Variants in SETD2 observed in about 807,000 individuals in gnomAD.
The protein encoded by SETD2 is SET domain containing 2, histone lysine methyltransferase.
Under a neutral mutation model 242.1 loss-of-function variants are expected in SETD2, and 31 were observed. That is an observed-to-expected ratio of 0.13 (90% CI 0.10 to 0.17). SETD2 has a LOEUF of 0.17. Ranked by LOEUF, SETD2 falls within the 10% of genes least tolerant of loss-of-function variation. The pLI is 1.00. For synonymous variants in SETD2, 1,006 were observed against 1,066.5 expected (o/e 0.94, Z 1.11); for missense variants, 2,481 against 3,046.3 (o/e 0.81, Z 4.37).
At chr3:47,081,942 C>A (rs1319146085) in intron 12 of SETD2, among the ~76,000 whole-genome samples, 1 of 152,078 alleles carries the variant, frequency 6.6e-6, no homozygotes. Context: ...ATTTTAAGTA[C>A]AAATAAAGTT....
At chr3:47,041,592 C>G (rs189756953) in intron 17 of SETD2, among the ~76,000 whole-genome samples, 4 of 152,202 alleles carry the variant, frequency 2.6e-5, no homozygotes, top group Admixed American at 2.0e-4. Context: ...ACAAAAACAT[C>G]TATCTTAACA....
chr3:47,046,125 G>A (rs902271469), intron 16 of SETD2, among the ~76,000 whole-genome samples: 3 of 151,664 alleles, frequency 2.0e-5, no homozygotes, highest in African/African-American at 7.3e-5. Flanking sequence ...ATCACCTGAG[G>A]TCATGAGGTC....
chr3:47,028,306 G>A (rs897173561), intron 18 of SETD2, among the ~76,000 whole-genome samples: 2 of 152,144 alleles, frequency 1.3e-5, no homozygotes, highest in Admixed American at 1.3e-4. Context: ...AGTTCTCAGT[G>A]AGCTAAGGAG....
At chr3:47,041,156 G>A (rs955670561) in intron 17 of SETD2, among the ~76,000 whole-genome samples, 6 of 152,162 alleles carry the variant, frequency 3.9e-5, no homozygotes, top group Non-Finnish European at 7.3e-5. Flanking sequence ...CTCTGTAAAT[G>A]ATTAGATGAT....
intron 15 of SETD2, among the ~76,000 whole-genome samples, chr3:47,056,092 A>ATTTTT (rs146077691): frequency 2.7e-4 from 30 of 112,988 alleles, no homozygotes; most frequent in Admixed American, 4.1e-4. Context: ...AGAAAACATG[A>ATTTTT]TTTTTATTTA....
At position 47,092,069 on chromosome 3, in the gene SETD2, G is replaced by T. The variant is rs568266571; in HGVS notation, c.5143-3822C>A. On this transcript the variant is annotated intron_variant, in intron 9 of 20. Coordinates refer to ENST00000409792, the MANE Select transcript of SETD2 (RefSeq NM_014159.7). Reference sequence around the variant, plus strand: ...ATTTATTGAATAGATATTGTGTAAGGCATTTCCAGGATATAAAGAAAATCA... The same window carrying T: ...ATTTATTGAATAGATATTGTGTAAGTCATTTCCAGGATATAAAGAAAATCA... 2.2e-4 allele frequency among the ~76,000 whole-genome samples: 33 copies of T among 152,114 alleles called. No individual in the cohort carries two copies. In the South Asian group the frequency reaches 6.9e-3, roughly 32 times the overall value.
intron 5 of SETD2, among the ~76,000 whole-genome samples, chr3:47,106,968 T>C (rs1304500382): frequency 1.3e-5 from 2 of 152,182 alleles, no homozygotes; most frequent in African/African-American, 2.4e-5. Context: ...TAGAATGTTA[T>C]CAGTAATTGT....
At chr3:47,054,850 T>A in intron 15 of SETD2, among the ~76,000 whole-genome samples, 1 of 152,156 alleles carries the variant, frequency 6.6e-6, no homozygotes, top group African/African-American at 2.4e-5. Flanking sequence ...ATTATACCCA[T>A]TAAAACATTT....
intron 1 of SETD2, chr3:47,145,553 C>T (rs756265541): frequency 2.4e-6 from 1 of 414,924 alleles, no homozygotes; most frequent in South Asian, 1.7e-5. Flanking sequence ...CCATGCCCAG[C>T]TTGGCTGTGT....
chr3:47,023,039 A>G (rs546159543), intron 18 of SETD2, among the ~76,000 whole-genome samples: 3 of 152,300 alleles, frequency 2.0e-5, no homozygotes, highest in Admixed American at 2.0e-4. Flanking sequence ...AGTTACAGAA[A>G]TGAGTCCTGA....
chr3:47,063,997 A>C (rs535190238), intron 13 of SETD2, among the ~76,000 whole-genome samples: 102 of 152,180 alleles, frequency 6.7e-4, no homozygotes, highest in South Asian at 2.7e-3. Context: ...GGAAAAAAAA[A>C]AACAACAACT....
At chr3:47,132,867 C>T (rs2043510637) in intron 1 of SETD2, among the ~76,000 whole-genome samples, 1 of 152,058 alleles carries the variant, frequency 6.6e-6, no homozygotes, top group African/African-American at 2.4e-5. Context: ...TGACAGAAAA[C>T]AAAAATTAGC....
chr3:47,073,907 A>T (rs1193084868), intron 12 of SETD2, among the ~76,000 whole-genome samples: 5 of 152,250 alleles, frequency 3.3e-5, no homozygotes, highest in Admixed American at 3.3e-4. Flanking sequence ...AATTGATATA[A>T]TAACTATGAA....
rs573687627 is a variant in SETD2, at chr3:47,083,721, T to C, written c.6059A>G (p.Lys2020Arg). The C allele has an allele frequency of 6.2e-7, 1 of 1,606,528 alleles. No individual in the cohort carries two copies. Among genetic ancestry groups the C allele is most frequent in the African/African-American group, 1.3e-5 (1 of 74,552 alleles). Residue 2020 changes from lysine to arginine, a missense_variant and splice_region_variant, in exon 12 of 21, where the codon AAG becomes AGG. Transcript: ENST00000409792. ...AATGAACAAAAGATGCTTCCTTACC[T>C]TTAGGTCTTTCCAACTGTCCAGGAG... ...TKLLDSWKDL[K>R]EVYRIPKKSQ...
At chr3:47,060,721 G>A (rs1023460719) in intron 14 of SETD2, among the ~76,000 whole-genome samples, 3 of 151,758 alleles carry the variant, frequency 2.0e-5, no homozygotes, top group African/African-American at 4.8e-5. Context: ...AAACCATAAA[G>A]AAAACATACC....
intron 4 of SETD2, 98 bp downstream of exon 4, chr3:47,116,525 T>C (rs944896101): frequency 4.0e-6 from 5 of 1,250,614 alleles, no homozygotes; most frequent in South Asian, 1.4e-5. Flanking sequence ...CATCCATAGG[T>C]AGGAGAAAGG....
In SETD2 at chr3:47,088,247, C is replaced by T. The variant is rs2107651932; in HGVS notation, c.5143G>A (p.Val1715Met). Residue 1715 changes from valine to methionine, a missense_variant and splice_region_variant, in exon 10 of 21, where the codon GTG becomes ATG. Coordinates refer to ENST00000409792, the MANE Select transcript of SETD2 (RefSeq NM_014159.7). The stretch of plus-strand genomic sequence containing the variant: ...ATCAGAGCTTCTAGCTCTCCATCCA[C>T]CTACCACAGCAAATAAAAATACCTT... ...KKERSRKKDS[V>M]DGELEALMEN... 1 of 1,592,636 alleles carries T rather than the reference C, an allele frequency of 6.3e-7. No individual in the cohort carries two copies. Among genetic ancestry groups the T allele is most frequent in the African/African-American group, 1.4e-5 (1 of 73,478 alleles).
chr3:47,043,257 G>A (rs561224184), intron 16 of SETD2, among the ~76,000 whole-genome samples: 2 of 152,246 alleles, frequency 1.3e-5, no homozygotes, highest in East Asian at 3.9e-4. Context: ...CTGTTACTGG[G>A]ACACAGGGCC....
chr3:47,042,923 C>T (rs910732237), intron 16 of SETD2, among the ~76,000 whole-genome samples: 3 of 151,338 alleles, frequency 2.0e-5, no homozygotes, highest in African/African-American at 7.3e-5. Flanking sequence ...TCCAAGATAC[C>T]ATATAGTTTA....
Sources: gnomAD v4.1 joint callset for allele counts (sites outside exome capture counted in the v4.1 genomes callset) on GRCh38, gnomAD v4.1.1 for gene constraint, MANE v1.5 for transcripts, NCBI Gene and HGNC (gene_info 2026-07-23, HGNC 2026-07-21) for gene names.